Variants in WWOX observed in about 807,000 individuals in gnomAD.
The protein encoded by WWOX is WW domain containing oxidoreductase.
In WWOX, 69 loss-of-function variants were observed where a neutral mutation model predicts 46.2. The ratio of observed to expected loss-of-function variants is 1.49; its 90% CI spans 1.23 to 1.82. The LOEUF is 1.82. Ranked by LOEUF, WWOX falls within the 40% of genes most tolerant of loss-of-function variation. The pLI, the probability that WWOX is intolerant of heterozygous loss-of-function variation, is 0.00. For missense variants in WWOX, 919 were observed against 542.6 expected (o/e 1.69, Z -6.89); for synonymous variants, 359 against 202.6 (o/e 1.77, Z -6.56).
At chr16:78,293,449 A>G (rs1317666236) in intron 5 of WWOX, among the ~76,000 whole-genome samples, 11 of 152,102 alleles carry the variant, frequency 7.2e-5, no homozygotes, top group Admixed American at 7.2e-4. Context: ...TGGGTTACAC[A>G]TCCTCTCTTC....
chr16:79,071,325 T>G (rs936995550), intron 8 of WWOX, among the ~76,000 whole-genome samples: 10 of 152,208 alleles, frequency 6.6e-5, no homozygotes, highest in Non-Finnish European at 8.8e-5. Flanking sequence ...ACTCTGAGCT[T>G]TTGAAGTTGG....
At chr16:78,645,671 G>A (rs904695011) in intron 8 of WWOX, among the ~76,000 whole-genome samples, 1 of 152,048 alleles carries the variant, frequency 6.6e-6, no homozygotes, top group Non-Finnish European at 1.5e-5. Flanking sequence ...AACAAATAGA[G>A]GGAGAACATT....
intron 8 of WWOX, among the ~76,000 whole-genome samples, chr16:78,710,505 T>TATATATATATATATATATATAA (rs1567507599): frequency 7.1e-6 from 1 of 140,026 alleles, no homozygotes; most frequent in African/African-American, 2.6e-5. Flanking sequence ...TATATTTATA[T>TATATATATATATATATATATAA]AAATATATTT....
chr16:78,996,528 A>G (rs937494040), intron 8 of WWOX, among the ~76,000 whole-genome samples: 3 of 151,982 alleles, frequency 2.0e-5, no homozygotes, highest in Non-Finnish European at 2.9e-5. Context: ...CTCTCTCCAC[A>G]CCTTTCCATT....
chr16:78,884,696 T>C lies in WWOX; in HGVS notation c.1057-326912T>C, dbSNP rs113504419. On this transcript the variant is annotated intron_variant, in intron 8 of 8. Coordinates refer to ENST00000566780, the MANE Select transcript of WWOX (RefSeq NM_016373.4). ...GGATGGATGGGAGCATGAAGTGTCC[T>C]CCGTCATGTTGCTAATGTTCTGTTG... 5.2e-3 allele frequency among the ~76,000 whole-genome samples: 785 copies of C among 152,322 alleles called. 15 individuals carry two copies. The highest frequency in any genetic ancestry group is 0.018 in the African/African-American group (752 of 41,570).
At chr16:78,174,768 G>A (rs2035276895) in intron 5 of WWOX, among the ~76,000 whole-genome samples, 1 of 152,078 alleles carries the variant, frequency 6.6e-6, no homozygotes, top group African/African-American at 2.4e-5. Context: ...CGGGCGGATT[G>A]CCTGAGCTCA....
At chr16:79,066,732 C>T (rs1413269092) in intron 8 of WWOX, among the ~76,000 whole-genome samples, 1 of 152,216 alleles carries the variant, frequency 6.6e-6, no homozygotes, top group Admixed American at 6.5e-5. Flanking sequence ...CAAGGGACCA[C>T]CTGCCTTCTA....
intron 8 of WWOX, among the ~76,000 whole-genome samples, chr16:78,868,012 C>T (rs958841061): frequency 5.3e-5 from 8 of 152,192 alleles, no homozygotes; most frequent in Non-Finnish European, 8.8e-5. Context: ...ACATATGTGG[C>T]TCAGCAGTTC....
chr16:78,645,254 A>C (rs1324630323), intron 8 of WWOX, among the ~76,000 whole-genome samples: 1 of 152,042 alleles, frequency 6.6e-6, no homozygotes, highest in Non-Finnish European at 1.5e-5. Context: ...CTTAGTTGTC[A>C]GTATAAATGC....
intron 8 of WWOX, among the ~76,000 whole-genome samples, chr16:78,474,868 T>C (rs1308668081): frequency 6.6e-6 from 1 of 152,252 alleles, no homozygotes; most frequent in Admixed American, 6.5e-5. Context: ...TCACTTTGCA[T>C]GCATCATGTT....
chr16:78,156,351 C>T (rs1043019202), intron 4 of WWOX, among the ~76,000 whole-genome samples: 2 of 152,148 alleles, frequency 1.3e-5, no homozygotes, highest in African/African-American at 2.4e-5. Context: ...TTTTCCCCCA[C>T]AGATTTCTTG....
intron 8 of WWOX, among the ~76,000 whole-genome samples, chr16:79,028,629 A>G (rs546471500): frequency 2.0e-5 from 3 of 151,018 alleles, no homozygotes; most frequent in South Asian, 2.1e-4. Flanking sequence ...GAATTAGGGT[A>G]TGTTTTGGGG....
intron 5 of WWOX, among the ~76,000 whole-genome samples, chr16:78,339,584 C>T (rs890487165): frequency 8.4e-6 from 1 of 119,518 alleles, no homozygotes; most frequent in African/African-American, 2.8e-5. Context: ...GGGAGCATGT[C>T]TTGTAGTAGC....
intron 6 of WWOX, among the ~76,000 whole-genome samples, chr16:78,406,303 A>AATATAAATACATATAT: frequency 1.7e-5 from 1 of 57,838 alleles, no homozygotes; most frequent in South Asian, 6.8e-4. Flanking sequence ...TATAAATATA[A>AATATAAATACATATAT]ATATATATAT....
At chr16:78,755,605 C>T (rs922716518) in intron 8 of WWOX, among the ~76,000 whole-genome samples, 2 of 152,176 alleles carry the variant, frequency 1.3e-5, no homozygotes, top group African/African-American at 2.4e-5. Flanking sequence ...CACACACCCA[C>T]TGGGATTCCT....
At chr16:78,755,980 T>C (rs538809151) in intron 8 of WWOX, among the ~76,000 whole-genome samples, 1 of 152,250 alleles carries the variant, frequency 6.6e-6, no homozygotes, top group South Asian at 2.1e-4. Flanking sequence ...CTGTAAGAAA[T>C]GATGGCTTTT....
intron 8 of WWOX, chr16:79,101,592 C>T (rs1450074870): frequency 6.6e-6 from 1 of 152,102 alleles, no homozygotes; most frequent in East Asian, 1.9e-4. Context: ...TGAATCTTTT[C>T]ATTCAAGCCA....
intron 8 of WWOX, among the ~76,000 whole-genome samples, chr16:79,171,461 G>T (rs79490170): frequency 0.034 from 5,159 of 152,204 alleles, 300 homozygotes; most frequent in African/African-American, 0.12. Flanking sequence ...GAAGTTTTTT[G>T]TCGGTGTCAT....
intron 8 of WWOX, among the ~76,000 whole-genome samples, chr16:79,185,622 A>T (rs2050998019): frequency 6.6e-6 from 1 of 152,138 alleles, no homozygotes; most frequent in South Asian, 2.1e-4. Flanking sequence ...TTGGGTTGTC[A>T]GGATGCAGGG....
Sources: allele counts gnomAD v4.1 joint callset (sites outside exome capture counted in the v4.1 genomes callset), GRCh38; gene constraint gnomAD v4.1.1; transcripts MANE v1.5; gene names NCBI Gene and HGNC (gene_info 2026-07-23, HGNC 2026-07-21).